PTPRT: variants seen among roughly 807,000 people sequenced by gnomAD.
PTPRT encodes the protein receptor-type tyrosine-protein phosphatase T.
A neutral mutation model predicts 176.8 loss-of-function variants in PTPRT; 56 were observed. The observed-to-expected ratio is 0.32, with a 90% CI of 0.26 to 0.40. The LOEUF is 0.40. Among genes scored for constraint, PTPRT ranks in the 10% least tolerant of loss-of-function variants. The pLI, the probability that PTPRT is intolerant of heterozygous loss-of-function variation, is 1.00. For missense variants in PTPRT, 1,540 were observed against 1,908.2 expected, an observed-to-expected ratio of 0.81 and a Z score of 3.60; for synonymous variants, 783 against 739.0, an observed-to-expected ratio of 1.06 and a Z score of -0.96.
At chr20:42,100,261 C>A (rs1985800558) in intron 26 of PTPRT, among the ~76,000 whole-genome samples, 1 of 152,212 alleles carries the variant, frequency 6.6e-6, no homozygotes, top group African/African-American at 2.4e-5. Flanking sequence ...TGTTCGAGAT[C>A]CGTGCTCCTG....
chr20:42,092,593 T>C (rs1984740008), intron 27 of PTPRT, among the ~76,000 whole-genome samples: 1 of 152,182 alleles, frequency 6.6e-6, no homozygotes, highest in Admixed American at 6.5e-5. Context: ...ACCATTCTGG[T>C]GGGGACAGAA....
chr20:42,316,924 T>C (rs1393292229), intron 11 of PTPRT, among the ~76,000 whole-genome samples: 1 of 152,224 alleles, frequency 6.6e-6, no homozygotes, highest in East Asian at 1.9e-4. Context: ...CTCCATCTGC[T>C]TTGTTTTCCA....
chr20:42,087,896 TAGAAGA>T (rs1203228337), intron 27 of PTPRT, among the ~76,000 whole-genome samples: 3 of 108,618 alleles, frequency 2.8e-5, no homozygotes, highest in East Asian at 2.6e-4. Flanking sequence ...AAAAAAAAAA[TAGAAGA>T]AGAAGAAGAG....
At chr20:42,916,880 G>A (rs1331184738) in intron 1 of PTPRT, among the ~76,000 whole-genome samples, 1 of 152,086 alleles carries the variant, frequency 6.6e-6, no homozygotes, top group African/African-American at 2.4e-5. Context: ...CAGATGAGTA[G>A]GTTGCAAAAA....
At chr20:42,423,037 C>T (rs948249686) in intron 9 of PTPRT, among the ~76,000 whole-genome samples, 1 of 151,754 alleles carries the variant, frequency 6.6e-6, no homozygotes, top group Non-Finnish European at 1.5e-5. Context: ...CACACTGGGG[C>T]CTTTCAGAGG....
At chr20:42,406,128 T>C (rs2058958841) in intron 9 of PTPRT, among the ~76,000 whole-genome samples, 1 of 151,590 alleles carries the variant, frequency 6.6e-6, no homozygotes, top group East Asian at 1.9e-4. Context: ...CATTACAAAT[T>C]AGAAAAAAAG....
At chr20:42,772,054 AG>A (rs1157722044) in intron 4 of PTPRT, among the ~76,000 whole-genome samples, 1 of 152,212 alleles carries the variant, frequency 6.6e-6, no homozygotes, top group Non-Finnish European at 1.5e-5. Flanking sequence ...AGCCTGAAGA[AG>A]CAAAATAAGA....
intron 18 of PTPRT, among the ~76,000 whole-genome samples, chr20:42,135,438 T>A (rs1360704334): frequency 6.6e-6 from 1 of 152,224 alleles, no homozygotes; most frequent in Admixed American, 6.5e-5. Flanking sequence ...CAGCCCAGAC[T>A]CACTGAATCA....
chr20:43,085,355 C>G (rs1397407836), intron 1 of PTPRT, among the ~76,000 whole-genome samples: 3 of 151,872 alleles, frequency 2.0e-5, no homozygotes, highest in African/African-American at 7.3e-5. Flanking sequence ...ACAAAGCCAC[C>G]CCATCACAAA....
At chr20:42,151,865 C>T (rs550687389) in intron 17 of PTPRT, among the ~76,000 whole-genome samples, 7 of 152,262 alleles carry the variant, frequency 4.6e-5, no homozygotes, top group South Asian at 4.2e-4. Flanking sequence ...AAACTGGGAC[C>T]GTTTTGGGAA....
chr20:43,075,405 C>A (rs2011249715), intron 1 of PTPRT, among the ~76,000 whole-genome samples: 1 of 152,252 alleles, frequency 6.6e-6, no homozygotes, highest in South Asian at 2.1e-4. Flanking sequence ...CATGCGCTGG[C>A]ACGCGCTGGA....
At chr20:42,504,977 C>T (rs923935578) in intron 7 of PTPRT, among the ~76,000 whole-genome samples, 60 of 152,036 alleles carry the variant, frequency 3.9e-4, no homozygotes, top group African/African-American at 1.4e-3. Flanking sequence ...TCGATAGGTC[C>T]GATATTCTGG....
intron 1 of PTPRT, among the ~76,000 whole-genome samples, chr20:43,117,570 C>T (rs1474640874): frequency 2.6e-5 from 4 of 152,144 alleles, no homozygotes; most frequent in Admixed American, 2.6e-4. Context: ...TATCTCCAAG[C>T]TCCATCCTCA....
chr20:42,545,559 C>T (rs2072660036), intron 7 of PTPRT, among the ~76,000 whole-genome samples: 1 of 152,188 alleles, frequency 6.6e-6, no homozygotes, highest in African/African-American at 2.4e-5. Flanking sequence ...GGCTTTACTC[C>T]CCTACCCAGA....
intron 9 of PTPRT, among the ~76,000 whole-genome samples, chr20:42,419,997 G>T (rs1438753374): frequency 1.3e-5 from 2 of 152,088 alleles, no homozygotes; most frequent in East Asian, 3.9e-4. Flanking sequence ...CACGGCACAG[G>T]TTTTCCCCAA....
intron 7 of PTPRT, among the ~76,000 whole-genome samples, chr20:42,485,596 C>T (rs1394931753): frequency 1.3e-5 from 2 of 151,494 alleles, no homozygotes; most frequent in Non-Finnish European, 2.9e-5. Context: ...GAAGTACTAC[C>T]TTTTTTTTTC....
chr20:42,203,813 C>A (rs2055383351), intron 15 of PTPRT, among the ~76,000 whole-genome samples: 1 of 152,192 alleles, frequency 6.6e-6, no homozygotes, highest in Admixed American at 6.5e-5. Context: ...TATGTAAGAG[C>A]TAGAACCTGG....
intron 1 of PTPRT, among the ~76,000 whole-genome samples, chr20:42,996,820 T>C (rs567576990): frequency 6.6e-6 from 1 of 152,322 alleles, no homozygotes; most frequent in East Asian, 1.9e-4. Flanking sequence ...ATAATAGCTA[T>C]ATGTCTCAGC....
At chr20:42,751,809 G>C (rs1033509992) in intron 6 of PTPRT, among the ~76,000 whole-genome samples, 2 of 152,136 alleles carry the variant, frequency 1.3e-5, no homozygotes, top group Admixed American at 6.5e-5. Flanking sequence ...ACACTGCCGA[G>C]CTTTCCTACT....
Sources: gnomAD v4.1 joint callset for allele counts (sites outside exome capture counted in the v4.1 genomes callset) on GRCh38, gnomAD v4.1.1 for gene constraint, MANE v1.5 for transcripts, NCBI Gene and HGNC (gene_info 2026-07-23, HGNC 2026-07-21) for gene names.